PRTG: variants seen among roughly 807,000 people sequenced by gnomAD.
The protein encoded by PRTG is protogenin.
PRTG carries 67 observed loss-of-function variants against 122.5 expected under a neutral mutation model. The observed-to-expected ratio is 0.55, with a 90% CI of 0.45 to 0.67. The LOEUF (loss-of-function observed/expected upper bound fraction) is 0.67, where lower values mean the gene tolerates loss of function less well. Among genes scored for constraint, PRTG ranks in the 30% least tolerant of loss-of-function variants. PRTG has a pLI of 0.00. For synonymous variants in PRTG, 554 were observed against 501.1 expected (o/e 1.11, Z -1.41); for missense variants, 1,435 against 1,415.4 (o/e 1.01, Z -0.22).
Position 55,683,921 on chromosome 15 carries a change from T to A in PRTG, c.408A>T (p.Ala136=). ...KAHLALSTIS[A]FEVQPISTEV... ...CAGTGGAAATTGGCTGGACTTCAAA[T>A]GCAGAAATAGCTATAAGATAAAGTT... The change falls in exon 3 of 20, where the codon GCA becomes GCT. Residue 136 remains alanine (A), a synonymous_variant. Transcript: ENST00000389286. The A allele has an allele frequency of 6.2e-7, 1 of 1,613,106 alleles. No homozygotes were observed. The highest frequency in any genetic ancestry group is 1.7e-4 in the Middle Eastern group (1 of 6,056).
Position 55,743,045 on chromosome 15 carries a change from C to G in PRTG, c.-114G>C. 1 of 1,308,642 alleles carries G rather than the reference C, an allele frequency of 7.6e-7. No individual in the cohort carries two copies. Among genetic ancestry groups the G allele is most frequent in the Non-Finnish European group, 9.7e-7 (1 of 1,033,206 alleles). The allele number at this position is 1,308,642 out of a possible 1,614,324, so 81.1% of individuals were successfully genotyped here. ...TGGTCGCACGCAGCCTGGCTCCCCG[C>G]TCCGGCTCCGGCACCGGCGTGGCGA... On this transcript the variant is annotated 5_prime_UTR_variant, in exon 1 of 20. Coordinates refer to ENST00000389286, the MANE Select transcript of PRTG (RefSeq NM_173814.6).
At chr15:55,633,209 T>G (rs1484291930) in intron 15 of PRTG, among the ~76,000 whole-genome samples, 1 of 152,178 alleles carries the variant, frequency 6.6e-6, no homozygotes, top group Non-Finnish European at 1.5e-5. Context: ...TTGTGCTGAT[T>G]TACTGCATAT....
At chr15:55,684,047 C>T in intron 2 of PRTG, 116 bp from the exon 3 acceptor site, 1 of 704,182 alleles carries the variant, frequency 1.4e-6, no homozygotes, top group South Asian at 2.8e-5. Flanking sequence ...TAAGACCAAC[C>T]TAACTTAACC....
intron 10 of PRTG, 80 bp downstream of exon 10, chr15:55,673,291 A>T: frequency 2.0e-6 from 2 of 981,318 alleles, no homozygotes; most frequent in Non-Finnish European, 2.9e-6. Flanking sequence ...AAATTTAAAA[A>T]TATAAACATA....
Position 55,677,809 on chromosome 15 carries a change from T to A in PRTG, c.1369A>T (p.Met457Leu). 6.2e-7 allele frequency: 1 copy of A among 1,613,720 alleles called. No homozygotes were observed. Among genetic ancestry groups the A allele is most frequent in the Non-Finnish European group, 8.5e-7 (1 of 1,179,732 alleles). The stretch of plus-strand genomic sequence containing the variant: ...TAAAATCGCTTACCTTCTGCTTTCA[T>A]GTAGTGTACAGAATAGGCAATGACT... ...DKVIAYSVHY[M>L]KAEGLNNEEY... Residue 457 changes from methionine (M) to leucine (L), a missense_variant, in exon 8 of 20, where the codon ATG (methionine) becomes TTG (leucine). Physicochemically the swap from Met to Leu is conservative, Grantham distance 15. Coordinates refer to ENST00000389286, the MANE Select transcript of PRTG (RefSeq NM_173814.6).
intron 2 of PRTG, among the ~76,000 whole-genome samples, chr15:55,703,904 A>G (rs971905800): frequency 3.9e-5 from 6 of 152,340 alleles, no homozygotes; most frequent in Admixed American, 2.0e-4. Flanking sequence ...CTGTCTTCCC[A>G]GCAACAGTGT....
intron 1 of PRTG, chr15:55,742,544 A>C: frequency 1.9e-5 from 7 of 361,128 alleles, no homozygotes; most frequent in East Asian, 5.1e-5. Context: ...GGAAGAGACC[A>C]GAGTGGACAG....
intron 11 of PRTG, among the ~76,000 whole-genome samples, chr15:55,659,117 AAGGC>A (rs1356410709): frequency 5.3e-5 from 8 of 152,198 alleles, no homozygotes; most frequent in Non-Finnish European, 1.2e-4. Context: ...GTCAGCTATC[AAGGC>A]TAATTCAAGG....
intron 7 of PRTG, among the ~76,000 whole-genome samples, chr15:55,678,614 A>G (rs549889630): frequency 1.1e-4 from 17 of 152,336 alleles, no homozygotes; most frequent in Non-Finnish European, 2.1e-4. Flanking sequence ...AATCTGTCCT[A>G]TGAAAAATAT....
chr15:55,731,194 T>G (rs1406217843), intron 2 of PRTG, among the ~76,000 whole-genome samples: 1 of 151,864 alleles, frequency 6.6e-6, no homozygotes. Flanking sequence ...AACTTCTAAT[T>G]GTTAGCTTCT....
At chr15:55,689,498 C>T (rs899086694) in intron 2 of PRTG, among the ~76,000 whole-genome samples, 4 of 151,876 alleles carry the variant, frequency 2.6e-5, no homozygotes, top group Non-Finnish European at 5.9e-5. Flanking sequence ...GGGAGGGAGT[C>T]TGGGGGAGGG....
At chr15:55,719,100 T>G (rs1271886806) in intron 2 of PRTG, among the ~76,000 whole-genome samples, 1 of 152,188 alleles carries the variant, frequency 6.6e-6, no homozygotes, top group African/African-American at 2.4e-5. Flanking sequence ...TCTATAAACA[T>G]ACATACTTTT....
At chr15:55,682,942 A>G (rs2059549106) in intron 3 of PRTG, among the ~76,000 whole-genome samples, 1 of 152,218 alleles carries the variant, frequency 6.6e-6, no homozygotes, top group Middle Eastern at 3.2e-3. Flanking sequence ...AATACTTTAA[A>G]GACCTTTTAA....
At chr15:55,698,804 C>T (rs2059645810) in intron 2 of PRTG, among the ~76,000 whole-genome samples, 1 of 150,450 alleles carries the variant, frequency 6.6e-6, no homozygotes, top group Non-Finnish European at 1.5e-5. Flanking sequence ...TTAGGGCAGT[C>T]ATCAGGACTC....
intron 2 of PRTG, among the ~76,000 whole-genome samples, chr15:55,706,014 A>ATTTTTTTTTTTTTTTTTTTTTTTTT (rs56275705): frequency 2.1e-5 from 2 of 94,362 alleles, no homozygotes; most frequent in African/African-American, 4.5e-5. Context: ...TGCCCAGCTA[A>ATTTTTTTTTTTTTTTTTTTTTTTTT]TTTTTTTTTT....
intron 2 of PRTG, among the ~76,000 whole-genome samples, chr15:55,733,033 A>AC (rs2031289931): frequency 6.6e-6 from 1 of 151,476 alleles, no homozygotes; most frequent in African/African-American, 2.4e-5. Context: ...ACATGGGGAA[A>AC]CCCCATCTCT....
At chr15:55,713,929 AT>A (rs1471512253) in intron 2 of PRTG, among the ~76,000 whole-genome samples, 2 of 152,068 alleles carry the variant, frequency 1.3e-5, no homozygotes, top group Admixed American at 6.6e-5. Flanking sequence ...AAATTTATTA[AT>A]TTTTTTCTTC....
rs756111076 is a variant in PRTG at position 55,677,782 on chromosome 15, C to G, written c.1381+15G>C. On this transcript the variant is annotated intron_variant, in intron 8 of 19. Coordinates refer to ENST00000389286, the MANE Select transcript of PRTG (RefSeq NM_173814.6). ...CAAGGAGTACTTAAAAATAAGCACT[C>G]CTAAAATCGCTTACCTTCTGCTTTC... The G allele has an allele frequency of 3.9e-5, 63 of 1,611,602 alleles. No homozygotes were observed. Among genetic ancestry groups the G allele is most frequent in the Non-Finnish European group, 4.8e-5 (56 of 1,178,320 alleles).
chr15:55,641,543 G>T lies in PRTG; in HGVS notation c.2042-335C>A, dbSNP rs141360582. ...TTAAAAGCCTTCAGTTTGCTTGATGGATCACTTGCAAGAGGTTACACTTTG... is the reference window on the plus strand; with the variant it reads ...TTAAAAGCCTTCAGTTTGCTTGATGTATCACTTGCAAGAGGTTACACTTTG... On this transcript the variant is annotated intron_variant, in intron 11 of 19. Transcript: ENST00000389286. Among the ~76,000 whole-genome samples the T allele has an allele frequency of 2.0e-5, 3 of 152,180 alleles. No homozygotes were observed. The East Asian group carries it at 5.8e-4, about 29-fold the overall frequency.
Sources: allele counts gnomAD v4.1 joint callset (sites outside exome capture counted in the v4.1 genomes callset), GRCh38; gene constraint gnomAD v4.1.1; transcripts MANE v1.5; gene names NCBI Gene and HGNC (gene_info 2026-07-23, HGNC 2026-07-21).